Variants in GABRB2 observed in about 807,000 individuals in gnomAD.
The protein encoded by GABRB2 is gamma-aminobutyric acid receptor subunit beta-2.
Under a neutral mutation model 54.7 loss-of-function variants are expected in GABRB2, and 16 were observed. The observed-to-expected ratio is 0.29, with a 90% CI of 0.20 to 0.44. The LOEUF (loss-of-function observed/expected upper bound fraction) is 0.44, where lower values mean the gene tolerates loss of function less well. Among genes scored for constraint, GABRB2 ranks in the 20% least tolerant of loss-of-function variants. GABRB2 has a pLI of 1.00. For missense variants in GABRB2, 355 were observed against 644.0 expected (o/e 0.55, Z 4.86); for synonymous variants, 244 against 233.8 (o/e 1.04, Z -0.40).
At chr5:161,297,131 G>A (rs1381569139) in intron 9 of GABRB2, among the ~76,000 whole-genome samples, 1 of 152,098 alleles carries the variant, frequency 6.6e-6, no homozygotes, top group Admixed American at 6.6e-5. Flanking sequence ...AATCATCTCA[G>A]CCTTACTAGA....
At chr5:161,370,421 C>A (rs1172555674) in intron 5 of GABRB2, among the ~76,000 whole-genome samples, 1 of 152,164 alleles carries the variant, frequency 6.6e-6, no homozygotes, top group Non-Finnish European at 1.5e-5. Context: ...AACTACGTGA[C>A]TTGGGATGGC....
intron 3 of GABRB2, among the ~76,000 whole-genome samples, chr5:161,513,537 C>T (rs1278165884): frequency 2.0e-5 from 3 of 152,024 alleles, no homozygotes; most frequent in African/African-American, 4.8e-5. Flanking sequence ...GAATGGAAAA[C>T]CAAATACTGT....
At chr5:161,317,980 G>C (rs1352899269) in intron 9 of GABRB2, among the ~76,000 whole-genome samples, 1 of 151,998 alleles carries the variant, frequency 6.6e-6, no homozygotes, top group Non-Finnish European at 1.5e-5. Flanking sequence ...AAGTGAGAAA[G>C]AAGTTCTTAT....
rs1755760106 is a variant in GABRB2 at position 161,389,682 on chromosome 5, T to A, written c.541+21293A>T. Among the ~76,000 whole-genome samples the A allele has an allele frequency of 2.0e-5, 3 of 151,714 alleles. No homozygotes were observed. The South Asian group carries it at 6.2e-4, about 32-fold the overall frequency. On this transcript the variant is annotated intron_variant, in intron 5 of 9. Coordinates refer to ENST00000393959, the MANE Select transcript of GABRB2 (RefSeq NM_001371727.1). Reference sequence around the variant, plus strand: ...TTAAGGAATTGTTTGGGAGTATGTGTTTAGCAGTGCTGAGGAAATCTTTTT... The same window carrying A: ...TTAAGGAATTGTTTGGGAGTATGTGATTAGCAGTGCTGAGGAAATCTTTTT...
chr5:161,316,246 G>A (rs1758024570), intron 9 of GABRB2, among the ~76,000 whole-genome samples: 1 of 152,288 alleles, frequency 6.6e-6, no homozygotes, highest in South Asian at 2.1e-4. Context: ...CCTGAAGCCT[G>A]AGACTCCTGA....
Position 161,395,633 on chromosome 5 carries a change from C to T in GABRB2, c.541+15342G>A, listed in dbSNP as rs1220893569. On this transcript the variant is annotated intron_variant, in intron 5 of 9. Coordinates refer to ENST00000393959, the MANE Select transcript of GABRB2 (RefSeq NM_001371727.1). The stretch of plus-strand genomic sequence containing the variant: ...GAGAGGGAAATTAAGAAAGGCTTTG[C>T]TAAGAAATGAAATCTGATTTTAGAT... Among the ~76,000 whole-genome samples, 4 of 152,042 alleles carry T rather than the reference C, an allele frequency of 2.6e-5. No homozygotes were observed. In the East Asian group the frequency reaches 7.7e-4, roughly 29 times the overall value.
intron 5 of GABRB2, among the ~76,000 whole-genome samples, chr5:161,363,314 T>C (rs2113455421): frequency 6.6e-6 from 1 of 152,110 alleles, no homozygotes; most frequent in East Asian, 1.9e-4. Context: ...CACTCATAAA[T>C]GGGAGTTGAA....
intron 8 of GABRB2, 70 bp downstream of exon 8, chr5:161,330,813 T>G: frequency 6.2e-7 from 1 of 1,600,170 alleles, no homozygotes; most frequent in South Asian, 1.1e-5. Context: ...CTCAACAAGG[T>G]CATCAACCTG....
intron 4 of GABRB2, among the ~76,000 whole-genome samples, chr5:161,422,706 C>A (rs1349639691): frequency 6.6e-6 from 1 of 152,022 alleles, no homozygotes; most frequent in Non-Finnish European, 1.5e-5. Flanking sequence ...AAGGGCATTC[C>A]TTGTCAATAA....
chr5:161,419,320 A>G (rs1756780122), intron 4 of GABRB2, among the ~76,000 whole-genome samples: 1 of 152,228 alleles, frequency 6.6e-6, no homozygotes, highest in South Asian at 2.1e-4. Context: ...AGATGTTGGC[A>G]AGGACATGGT....
intron 5 of GABRB2, among the ~76,000 whole-genome samples, chr5:161,388,094 A>T (rs991203872): frequency 7.9e-5 from 12 of 152,156 alleles, no homozygotes; most frequent in Non-Finnish European, 1.8e-4. Flanking sequence ...CACTTGAAGT[A>T]AATTTGCTGA....
At chr5:161,511,990 A>ACAAGACAGACTAATTCATTTT (rs1362300350) in intron 3 of GABRB2, among the ~76,000 whole-genome samples, 28 of 151,538 alleles carry the variant, frequency 1.8e-4, no homozygotes, top group Admixed American at 1.5e-3. Context: ...GTTAATATTA[A>ACAAGACAGACTAATTCATTTT]CAAGACAGAC....
intron 9 of GABRB2, among the ~76,000 whole-genome samples, chr5:161,301,379 G>T (rs1757531908): frequency 6.6e-6 from 1 of 151,506 alleles, no homozygotes; most frequent in Non-Finnish European, 1.5e-5. Context: ...CTCTTCACTT[G>T]AGCAGTGCAG....
At chr5:161,357,519 CA>C (rs11423363) in intron 5 of GABRB2, among the ~76,000 whole-genome samples, 2,985 of 140,646 alleles carry the variant, frequency 0.021, 84 homozygotes, top group African/African-American at 0.066. Flanking sequence ...GAGTTTTGAG[CA>C]AAAAAAAAAA....
chr5:161,534,535 TCCCTTG>T (rs1321100561), intron 3 of GABRB2, among the ~76,000 whole-genome samples: 1 of 152,136 alleles, frequency 6.6e-6, no homozygotes, highest in African/African-American at 2.4e-5. Flanking sequence ...TCAAGATACT[TCCCTTG>T]TCTATTTTCA....
At chr5:161,435,587 A>C (rs1380371757) in intron 4 of GABRB2, among the ~76,000 whole-genome samples, 1 of 152,182 alleles carries the variant, frequency 6.6e-6, no homozygotes, top group Non-Finnish European at 1.5e-5. Flanking sequence ...GTAACCAGAA[A>C]GGAAACTCTT....
At chr5:161,425,539 T>C (rs1399146047) in intron 4 of GABRB2, among the ~76,000 whole-genome samples, 1 of 152,108 alleles carries the variant, frequency 6.6e-6, no homozygotes, top group Non-Finnish European at 1.5e-5. Flanking sequence ...TTATTTTTAT[T>C]AAATATAATG....
At chr5:161,505,109 C>CTT (rs34388314) in intron 3 of GABRB2, among the ~76,000 whole-genome samples, 15 of 135,554 alleles carry the variant, frequency 1.1e-4, no homozygotes, top group East Asian at 4.3e-4. Flanking sequence ...TTTTCCTTTT[C>CTT]TTTTTTTTTT....
intron 4 of GABRB2, 119 bp from the exon 5 acceptor site, chr5:161,411,176 G>T: frequency 1.4e-6 from 1 of 696,644 alleles, no homozygotes; most frequent in Non-Finnish European, 2.5e-6. Context: ...GAAAATGACT[G>T]ATGCAACTTT....
Sources: allele counts gnomAD v4.1 joint callset (sites outside exome capture counted in the v4.1 genomes callset), GRCh38; gene constraint gnomAD v4.1.1; transcripts MANE v1.5; gene names NCBI Gene and HGNC (gene_info 2026-07-23, HGNC 2026-07-21).